Variants in LRRFIP1 observed in about 807,000 individuals in gnomAD.
LRRFIP1 encodes the protein leucine-rich repeat flightless-interacting protein 1.
Under a neutral mutation model 104.4 loss-of-function variants are expected in LRRFIP1, and 62 were observed. That is an observed-to-expected ratio of 0.59 (90% CI 0.48 to 0.73). LRRFIP1 has a LOEUF of 0.73. Ranked by LOEUF, LRRFIP1 falls within the 30% of genes least tolerant of loss-of-function variation. The pLI is 0.00. For synonymous variants in LRRFIP1, 300 were observed against 299.0 expected (o/e 1.00, Z -0.03); for missense variants, 796 against 824.5 (o/e 0.97, Z 0.42).
rs191518160 is a variant in LRRFIP1, at chr2:237,736,561, C to T, written c.555+1228C>T. On this transcript the variant is annotated intron_variant, in intron 10 of 23. Transcript: ENST00000308482. ...CTAAGATCTGGCAGGACGGAGGGCT[C>T]CTGATGCTCTCCAGATGCTACTGTG... Among the ~76,000 whole-genome samples, 9 of 152,300 alleles carry T rather than the reference C, an allele frequency of 5.9e-5. No individual in the cohort carries two copies. The East Asian group carries it at 1.3e-3, about 23-fold the overall frequency.
chr2:237,721,049 T>C, intron 6 of LRRFIP1: 1 of 498,772 alleles, frequency 2.0e-6, no homozygotes, highest in Non-Finnish European at 3.7e-6. Flanking sequence ...TCTCCCGAGA[T>C]GAAGTCATCT....
intron 1 of LRRFIP1, among the ~76,000 whole-genome samples, chr2:237,674,467 T>C (rs1321775077): frequency 2.0e-5 from 3 of 152,270 alleles, no homozygotes; most frequent in African/African-American, 7.2e-5. Context: ...CTGTGCAGAA[T>C]GGCATGTGTT....
chr2:237,674,548 T>C (rs1239918823), intron 1 of LRRFIP1, among the ~76,000 whole-genome samples: 1 of 152,230 alleles, frequency 6.6e-6, no homozygotes, highest in Non-Finnish European at 1.5e-5. Flanking sequence ...TATGTGACTT[T>C]CAAAAGCAAA....
At chr2:237,683,270 A>G (rs4142730) in intron 1 of LRRFIP1, 121,689 of 152,314 alleles carry the variant, frequency 0.8, 48,755 homozygotes, top group Middle Eastern at 0.86. Context: ...TCAGAGAAGC[A>G]TTTGGAAAGC....
chr2:237,765,485 T>C (rs898880050), intron 19 of LRRFIP1: 14 of 970,318 alleles, frequency 1.4e-5, no homozygotes, highest in Non-Finnish European at 1.7e-5. Flanking sequence ...AAATACTTTG[T>C]TTGAATTTCT....
At chr2:237,656,799 A>G (rs1369025531) in intron 1 of LRRFIP1, among the ~76,000 whole-genome samples, 1 of 152,238 alleles carries the variant, frequency 6.6e-6, no homozygotes, top group Non-Finnish European at 1.5e-5. Flanking sequence ...GCCTTGTGTC[A>G]GTATGTATTT....
intron 1 of LRRFIP1, among the ~76,000 whole-genome samples, chr2:237,704,107 G>A (rs1054214042): frequency 1.3e-5 from 2 of 150,626 alleles, no homozygotes; most frequent in South Asian, 4.2e-4. Context: ...GCCATTCTTC[G>A]CAGTGTCTCT....
intron 1 of LRRFIP1, among the ~76,000 whole-genome samples, chr2:237,688,719 C>G (rs970254566): frequency 6.6e-6 from 1 of 152,020 alleles, no homozygotes; most frequent in East Asian, 1.9e-4. Context: ...TCGGCCTCCC[C>G]AAGTGCTGGG....
Position 237,717,736 on chromosome 2 carries a change from T to C in LRRFIP1, c.202-26T>C. On this transcript the variant is annotated intron_variant, in intron 3 of 23. Transcript: ENST00000308482. The surrounding 1 kb of genome is among the most constrained non-coding windows in gnomAD (Gnocchi z 4.2). ...TTTTTAAGAAATTTCACTTCTTGCC[T>C]AATTTTCTTTCCCTTCTGTCTATAG... is the stretch of plus-strand genomic sequence containing the variant. The C allele has an allele frequency of 6.3e-7, 1 of 1,582,926 alleles. No individual in the cohort carries two copies. Among genetic ancestry groups the C allele is most frequent in the African/African-American group, 1.3e-5 (1 of 74,420 alleles).
intron 1 of LRRFIP1, among the ~76,000 whole-genome samples, chr2:237,696,712 T>C (rs1275263837): frequency 7.2e-5 from 11 of 152,216 alleles, no homozygotes; most frequent in Admixed American, 7.2e-4. Flanking sequence ...GACTCGGAAC[T>C]GGTACTGATA....
At chr2:237,749,846 C>T (rs1364006073) in intron 13 of LRRFIP1, among the ~76,000 whole-genome samples, 3 of 152,090 alleles carry the variant, frequency 2.0e-5, no homozygotes. Context: ...TTATTCTCTG[C>T]TCTATCCTCA....
intron 1 of LRRFIP1, among the ~76,000 whole-genome samples, chr2:237,679,458 G>C (rs1296899132): frequency 6.6e-6 from 1 of 152,132 alleles, no homozygotes; most frequent in African/African-American, 2.4e-5. Context: ...AAAGAAATCA[G>C]CAATATAACT....
chr2:237,673,077 A>G (rs1353984348), intron 1 of LRRFIP1, among the ~76,000 whole-genome samples: 2 of 152,242 alleles, frequency 1.3e-5, no homozygotes, highest in Non-Finnish European at 2.9e-5. Flanking sequence ...CCTTCTCTTC[A>G]GGTGAAATGA....
intron 1 of LRRFIP1, among the ~76,000 whole-genome samples, chr2:237,651,377 T>C (rs1477324157): frequency 6.6e-6 from 1 of 152,230 alleles, no homozygotes; most frequent in African/African-American, 2.4e-5. Flanking sequence ...TTCCTTGGTA[T>C]CATCTAATAT....
In LRRFIP1 at chr2:237,703,063, G is replaced by A. The variant is rs1227716505; in HGVS notation, c.97-5481G>A. 6.6e-6 allele frequency among the ~76,000 whole-genome samples: 1 copy of A among 152,164 alleles called. No homozygotes were observed. The highest frequency in any genetic ancestry group is 2.4e-5 in the African/African-American group (1 of 41,430). On this transcript the variant is annotated intron_variant, in intron 1 of 23. Coordinates refer to ENST00000308482, the MANE Select transcript of LRRFIP1 (RefSeq NM_001137550.2). This position sits in a 1 kb window ranked among gnomAD's most constrained non-coding sequence, Gnocchi z 4.3. ...CTTTCCCTGTTGGCTCCTGTAGGGT[G>A]GGGACAGACCAGCCCCCATGAACCC...
At position 237,774,365 on chromosome 2, in the gene LRRFIP1, G is replaced by A. The variant is rs184693799; in HGVS notation, c.1715G>A (p.Arg572Lys). ...EITALEQNVI[R>K]LESQVSRYKS... ...TTTTTTTCTACCTTTTAGGTAATAA[G>A]GTTAGAGAGTCAAGTATCACGTTAC... The change falls in exon 23 of 24, where the codon AGG becomes AAG. Residue 572 changes from arginine (R) to lysine (K), a missense_variant. Transcript: ENST00000308482. 3.1e-6 allele frequency: 5 copies of A among 1,608,134 alleles called. No individual in the cohort carries two copies. Among genetic ancestry groups the A allele is most frequent in the Non-Finnish European group, 4.3e-6 (5 of 1,174,812 alleles).
intron 1 of LRRFIP1, among the ~76,000 whole-genome samples, chr2:237,689,051 G>GAAAA (rs60153114): frequency 7.7e-6 from 1 of 130,562 alleles, no homozygotes. Flanking sequence ...GCTCTACGTT[G>GAAAA]AAAAAAAAAA....
At chr2:237,686,207 C>T (rs980966795) in intron 1 of LRRFIP1, among the ~76,000 whole-genome samples, 1 of 152,220 alleles carries the variant, frequency 6.6e-6, no homozygotes, top group African/African-American at 2.4e-5. Flanking sequence ...CTGAGGCTTT[C>T]TGCCTCCAAT....
chr2:237,772,956 G>T lies in LRRFIP1; in HGVS notation c.1707+11G>T, dbSNP rs773603429. On this transcript the variant is annotated intron_variant, in intron 22 of 23. Transcript: ENST00000308482. ...GCATTAGAACAAAATGTACGTGTAA[G>T]CAACAACGGGCAGAACTGATGATTG... The T allele has an allele frequency of 6.9e-6, 11 of 1,595,378 alleles. No individual in the cohort carries two copies. Among genetic ancestry groups the T allele is most frequent in the Non-Finnish European group, 8.6e-6 (10 of 1,163,202 alleles).
Sources: allele counts gnomAD v4.1 joint callset (sites outside exome capture counted in the v4.1 genomes callset), GRCh38; gene constraint gnomAD v4.1.1; non-coding constraint Gnocchi (gnomAD v3.1); transcripts MANE v1.5; gene names NCBI Gene and HGNC (gene_info 2026-07-23, HGNC 2026-07-21).